EPHB2: variants seen among roughly 807,000 people sequenced by gnomAD.
EPHB2 encodes the protein EPH receptor B2.
EPHB2 carries 18 observed loss-of-function variants against 96.4 expected under a neutral mutation model. That is an observed-to-expected ratio of 0.19 (90% CI 0.13 to 0.28). The LOEUF is 0.28. Ranked by LOEUF, EPHB2 falls within the 10% of genes least tolerant of loss-of-function variation. The probability of loss-of-function intolerance (pLI) is 1.00; values close to 1 mark genes in which losing one functional copy is unlikely to be tolerated. For missense variants in EPHB2, 989 were observed against 1,355.4 expected, an observed-to-expected ratio of 0.73 and a Z score of 4.25; for synonymous variants, 506 against 534.1, an observed-to-expected ratio of 0.95 and a Z score of 0.72.
At position 22,804,639 on chromosome 1, in the gene EPHB2, C is replaced by G. The variant is rs145110521; in HGVS notation, c.811+19563C>G. On this transcript the variant is annotated intron_variant, in intron 3 of 15. Coordinates refer to ENST00000374630, the MANE Select transcript of EPHB2 (RefSeq NM_017449.5). The stretch of plus-strand genomic sequence containing the variant: ...CTGCTCAGTTGGGCCCCTTCCAGGT[C>G]AGGCTTCTCTGGGCCACCACTGGCC... Among the ~76,000 whole-genome samples the G allele has an allele frequency of 3.4e-4, 52 of 151,652 alleles. No homozygotes were observed. The East Asian group carries it at 9.1e-3, about 26-fold the overall frequency.
chr1:22,769,848 G>A (rs368040125), intron 1 of EPHB2, among the ~76,000 whole-genome samples: 5 of 152,282 alleles, frequency 3.3e-5, no homozygotes, highest in African/African-American at 7.2e-5. Flanking sequence ...ATGAATGGGC[G>A]AGTGGATAAA....
At chr1:22,721,303 A>T (rs1643460433) in intron 1 of EPHB2, among the ~76,000 whole-genome samples, 1 of 152,218 alleles carries the variant, frequency 6.6e-6, no homozygotes, top group African/African-American at 2.4e-5. Flanking sequence ...GGACCTGGGC[A>T]ACACATAGTC....
At chr1:22,876,202 C>A (rs541757832) in intron 5 of EPHB2, among the ~76,000 whole-genome samples, 3 of 152,236 alleles carry the variant, frequency 2.0e-5, no homozygotes, top group East Asian at 1.9e-4. Flanking sequence ...ACCTCTCCCC[C>A]ACTCCCTTGG....
chr1:22,819,205 GTC>G (rs71020453), intron 3 of EPHB2, among the ~76,000 whole-genome samples: 16,341 of 103,000 alleles, frequency 0.16, 1,072 homozygotes, highest in Middle Eastern at 0.23. Flanking sequence ...CCCAGCAGAT[GTC>G]TCTCTCTCTC....
At chr1:22,823,991 AG>A (rs1320347598) in intron 3 of EPHB2, among the ~76,000 whole-genome samples, 1 of 152,240 alleles carries the variant, frequency 6.6e-6, no homozygotes, top group African/African-American at 2.4e-5. Flanking sequence ...CTGGCTGGAC[AG>A]GTAAAACAGT....
intron 9 of EPHB2, among the ~76,000 whole-genome samples, chr1:22,897,469 T>C (rs1420004084): frequency 6.6e-6 from 1 of 152,090 alleles, no homozygotes; most frequent in Non-Finnish European, 1.5e-5. Context: ...TGCCAGGCAC[T>C]GTTCTAGGTG....
At chr1:22,830,068 G>C (rs907158822) in intron 3 of EPHB2, among the ~76,000 whole-genome samples, 9 of 152,136 alleles carry the variant, frequency 5.9e-5, no homozygotes, top group Admixed American at 5.9e-4. Flanking sequence ...GGGAAGGGGG[G>C]ACTAGGGCTG....
chr1:22,833,078 T>C (rs16827638), intron 3 of EPHB2, among the ~76,000 whole-genome samples: 1 of 146,002 alleles, frequency 6.8e-6, no homozygotes, highest in Non-Finnish European at 1.5e-5. Context: ...AGGAAAATCC[T>C]TGGGTGACTT....
At chr1:22,781,015 A>T (rs551010438) in intron 1 of EPHB2, among the ~76,000 whole-genome samples, 2 of 152,074 alleles carry the variant, frequency 1.3e-5, no homozygotes, top group African/African-American at 2.4e-5. Flanking sequence ...GTAAAGAAGG[A>T]TGAGGGCCCG....
chr1:22,764,319 G>A (rs149510248), intron 1 of EPHB2, among the ~76,000 whole-genome samples: 20 of 152,294 alleles, frequency 1.3e-4, no homozygotes, highest in African/African-American at 4.8e-4. Flanking sequence ...CAGGCTCTGG[G>A]CTAAGAACTT....
At chr1:22,895,025 C>T (rs1045238006) in intron 7 of EPHB2, among the ~76,000 whole-genome samples, 1 of 152,208 alleles carries the variant, frequency 6.6e-6, no homozygotes, top group African/African-American at 2.4e-5. Context: ...GATAAGGCAA[C>T]TGAGGCACAA....
At chr1:22,711,713 C>T (rs920644791) in intron 1 of EPHB2, among the ~76,000 whole-genome samples, 12 of 151,958 alleles carry the variant, frequency 7.9e-5, no homozygotes, top group Non-Finnish European at 1.3e-4. Flanking sequence ...GCACCCCCGC[C>T]GGCCACCGCC....
intron 3 of EPHB2, among the ~76,000 whole-genome samples, chr1:22,788,414 G>C (rs1644642113): frequency 6.6e-6 from 1 of 152,228 alleles, no homozygotes; most frequent in South Asian, 2.1e-4. Flanking sequence ...AGCTCAGGGA[G>C]CCCAGAAGGA....
intron 3 of EPHB2, among the ~76,000 whole-genome samples, chr1:22,820,030 C>A (rs563134960): frequency 6.6e-6 from 1 of 152,178 alleles, no homozygotes; most frequent in African/African-American, 2.4e-5. Context: ...CCAGCAGTAA[C>A]CCCACCCCAG....
chr1:22,905,102 A>G (rs1452532124), intron 9 of EPHB2, among the ~76,000 whole-genome samples: 1 of 152,206 alleles, frequency 6.6e-6, no homozygotes, highest in Non-Finnish European at 1.5e-5. Flanking sequence ...TGGATGGGTC[A>G]TCTTTCCCTT....
At chr1:22,732,505 T>C (rs2148353576) in intron 1 of EPHB2, among the ~76,000 whole-genome samples, 1 of 152,352 alleles carries the variant, frequency 6.6e-6, no homozygotes, top group South Asian at 2.1e-4. Context: ...TCCATTTCCA[T>C]ATGACCTCAT....
chr1:22,909,206 G>A lies in EPHB2; in HGVS notation c.2502+35G>A, dbSNP rs770384031. On this transcript the variant is annotated intron_variant, in intron 13 of 15. Coordinates refer to ENST00000374630, the MANE Select transcript of EPHB2 (RefSeq NM_017449.5). ...CAAGGGGATAGGCAAGGCCTCTCTGGCCCACCAGATGGGAGAGGGAAGATC... is the reference window on the plus strand; with the variant it reads ...CAAGGGGATAGGCAAGGCCTCTCTGACCCACCAGATGGGAGAGGGAAGATC... 4 of 1,613,878 alleles carry A rather than the reference G, an allele frequency of 2.5e-6. No homozygotes were observed. The East Asian group carries it at 6.7e-5, about 27-fold the overall frequency.
chr1:22,822,025 T>G (rs34795220), intron 3 of EPHB2, among the ~76,000 whole-genome samples: 1 of 152,034 alleles, frequency 6.6e-6, no homozygotes. Context: ...AGAATAATCT[T>G]TATTAGACAT....
Position 22,863,182 on chromosome 1 carries a change from G to A in EPHB2, c.957G>A (p.Met319Ile). 1 of 1,614,206 alleles carries A rather than the reference G, an allele frequency of 6.2e-7. No homozygotes were observed. Among genetic ancestry groups the A allele is most frequent in the Non-Finnish European group, 8.5e-7 (1 of 1,180,040 alleles). ...YYRADLDPLD[M>I]PCTTIPSAPQ... is the part of the protein sequence containing the mutation. ...GAGCAGACCTGGACCCCCTGGACAT[G>A]CCCTGCACAAGTAAGTCCTAGGGCC... Residue 319 changes from methionine to isoleucine, a missense_variant, in exon 4 of 16, where the codon ATG becomes ATA. By Grantham distance (10) the Met-to-Ile change is conservative (BLOSUM62 1). Transcript: ENST00000374630.
Sources: allele counts gnomAD v4.1 joint callset (sites outside exome capture counted in the v4.1 genomes callset), GRCh38; gene constraint gnomAD v4.1.1; transcripts MANE v1.5; gene names NCBI Gene and HGNC (gene_info 2026-07-23, HGNC 2026-07-21).